NCKAP5: variants seen among roughly 807,000 people sequenced by gnomAD.
NCKAP5 encodes nck-associated protein 5.
A neutral mutation model predicts 167.0 loss-of-function variants in NCKAP5; 92 were observed. The ratio of observed to expected loss-of-function variants is 0.55; its 90% confidence interval spans 0.47 to 0.66. The LOEUF is 0.66. NCKAP5 is among the 30% of genes least tolerant of loss of function. NCKAP5 has a pLI of 0.00. For synonymous variants in NCKAP5, 891 were observed against 877.4 expected, an observed-to-expected ratio of 1.02 and a Z score of -0.27; for missense variants, 2,378 against 2,315.0, an observed-to-expected ratio of 1.03 and a Z score of -0.56.
intron 6 of NCKAP5, among the ~76,000 whole-genome samples, chr2:133,053,451 T>C (rs1168770769): frequency 6.6e-6 from 1 of 152,222 alleles, no homozygotes; most frequent in East Asian, 1.9e-4. Flanking sequence ...TAATCACAAC[T>C]CTACTTCCAG....
At chr2:133,043,935 T>G (rs2079300788) in intron 6 of NCKAP5, among the ~76,000 whole-genome samples, 2 of 152,036 alleles carry the variant, frequency 1.3e-5, no homozygotes, top group Admixed American at 6.6e-5. Flanking sequence ...GCAGTATGCT[T>G]AAAATAATAA....
At chr2:133,668,752 T>C in the NCKAP5 span, among the ~76,000 whole-genome samples, 1 of 152,228 alleles carries the variant, frequency 6.6e-6, no homozygotes, top group South Asian at 2.1e-4. Flanking sequence ...TAGATGTATA[T>C]CTTTCATCAA....
At chr2:133,082,080 T>C (rs2080829568) in intron 6 of NCKAP5, among the ~76,000 whole-genome samples, 1 of 152,088 alleles carries the variant, frequency 6.6e-6, no homozygotes, top group Admixed American at 6.6e-5. Context: ...TGTGCCCCAA[T>C]TTGTGTCTAT....
chr2:133,440,021 T>C (rs1165964112), intron 3 of NCKAP5, among the ~76,000 whole-genome samples: 1 of 152,244 alleles, frequency 6.6e-6, no homozygotes, highest in Non-Finnish European at 1.5e-5. Context: ...TTTACCACAA[T>C]AGACCTCACA....
At chr2:132,815,437 C>T (rs1371305369) in intron 11 of NCKAP5, among the ~76,000 whole-genome samples, 1 of 152,124 alleles carries the variant, frequency 6.6e-6, no homozygotes, top group Non-Finnish European at 1.5e-5. Context: ...ATTTTAAAGA[C>T]AACAATTTTT....
intron 7 of NCKAP5, among the ~76,000 whole-genome samples, chr2:132,971,076 T>G (rs545158111): frequency 9.2e-5 from 14 of 152,348 alleles, no homozygotes; most frequent in African/African-American, 3.4e-4. Context: ...ATGCCAGGCA[T>G]ACAAAAGTGA....
chr2:133,339,332 A>G (rs2150758245), intron 3 of NCKAP5, among the ~76,000 whole-genome samples: 1 of 151,016 alleles, frequency 6.6e-6, no homozygotes, highest in South Asian at 2.1e-4. Context: ...TCACTGGGGA[A>G]AAAAAAAAAT....
chr2:132,685,257 G>C (rs936889181), intron 19 of NCKAP5, among the ~76,000 whole-genome samples: 7 of 152,140 alleles, frequency 4.6e-5, no homozygotes, highest in African/African-American at 1.7e-4. Context: ...ATAATGAGAA[G>C]GTCTCTCTCT....
intron 5 of NCKAP5, among the ~76,000 whole-genome samples, chr2:133,197,889 G>A (rs12988032): frequency 0.079 from 11,987 of 152,226 alleles, 633 homozygotes; most frequent in South Asian, 0.17. Flanking sequence ...GGCGGAGATT[G>A]CAGTGAGCCA....
chr2:133,456,100 G>C (rs2151214494), intron 3 of NCKAP5, among the ~76,000 whole-genome samples: 1 of 152,224 alleles, frequency 6.6e-6, no homozygotes, highest in East Asian at 1.9e-4. Flanking sequence ...ATGATCTCAA[G>C]GAATAACCCA....
intron 6 of NCKAP5, among the ~76,000 whole-genome samples, chr2:133,046,981 A>G (rs2079423789): frequency 6.6e-6 from 1 of 152,180 alleles, no homozygotes; most frequent in South Asian, 2.1e-4. Flanking sequence ...TTGGCTTATC[A>G]AAACAATGCA....
At chr2:133,027,148 A>T (rs906213531) in intron 6 of NCKAP5, among the ~76,000 whole-genome samples, 2 of 152,110 alleles carry the variant, frequency 1.3e-5, no homozygotes, top group Non-Finnish European at 2.9e-5. Flanking sequence ...TTCCCCCATG[A>T]CCTGGTAACC....
At chr2:133,550,666 C>G (rs1384747458) in intron 2 of NCKAP5, among the ~76,000 whole-genome samples, 1 of 118,126 alleles carries the variant, frequency 8.5e-6, no homozygotes, top group African/African-American at 3.3e-5. Flanking sequence ...AAACTGGAAG[C>G]ATTCCCTTTG....
the NCKAP5 span, among the ~76,000 whole-genome samples, chr2:133,573,626 G>A: frequency 6.6e-6 from 1 of 152,190 alleles, no homozygotes; most frequent in Non-Finnish European, 1.5e-5. Context: ...CTTCATGAAA[G>A]GCCCTATGTA....
intron 6 of NCKAP5, among the ~76,000 whole-genome samples, chr2:133,125,039 C>A (rs1436322962): frequency 1.3e-5 from 2 of 151,680 alleles, no homozygotes; most frequent in Non-Finnish European, 2.9e-5. Flanking sequence ...TGAGCCAGAC[C>A]CTGTCTCAAT....
chr2:133,134,680 C>A (rs551877160), intron 5 of NCKAP5, among the ~76,000 whole-genome samples: 1 of 152,306 alleles, frequency 6.6e-6, no homozygotes, highest in African/African-American at 2.4e-5. Context: ...CTTGTCTATA[C>A]CTCATAGCCT....
chr2:133,214,385 T>C (rs903226266), intron 4 of NCKAP5, among the ~76,000 whole-genome samples: 2 of 152,176 alleles, frequency 1.3e-5, no homozygotes, highest in East Asian at 1.9e-4. Flanking sequence ...TATATAGTAG[T>C]TTTTTGGAAT....
At chr2:132,979,544 TTAAG>T (rs2077070470) in intron 7 of NCKAP5, among the ~76,000 whole-genome samples, 1 of 151,838 alleles carries the variant, frequency 6.6e-6, no homozygotes, top group Non-Finnish European at 1.5e-5. Context: ...CCCCGAGAGG[TTAAG>T]TAATTCCCCA....
At chr2:133,529,656 T>G (rs531631516) in intron 2 of NCKAP5, among the ~76,000 whole-genome samples, 1 of 152,314 alleles carries the variant, frequency 6.6e-6, no homozygotes, top group African/African-American at 2.4e-5. Context: ...CAAAAATATT[T>G]AAGAATATGT....
Sources: allele counts gnomAD v4.1 joint callset (sites outside exome capture counted in the v4.1 genomes callset), GRCh38; gene constraint gnomAD v4.1.1; transcripts MANE v1.5; gene names NCBI Gene and HGNC (gene_info 2026-07-23, HGNC 2026-07-21).